Variants in HTR3D observed in about 807,000 individuals in gnomAD.
HTR3D encodes 5-hydroxytryptamine (serotonin) receptor 3 family member D.
Under a neutral mutation model 45.8 loss-of-function variants are expected in HTR3D, and 47 were observed. The observed-to-expected ratio is 1.03, with a 90% CI of 0.81 to 1.31. The LOEUF (loss-of-function observed/expected upper bound fraction) is 1.31. Ranked by LOEUF, HTR3D falls within the 50% of genes most tolerant of loss-of-function variation. HTR3D has a pLI of 0.00. For missense variants in HTR3D, 448 were observed against 506.9 expected (o/e 0.88, Z 1.12); for synonymous variants, 203 against 199.8 (o/e 1.02, Z -0.13).
intron 5 of HTR3D, 74 bp downstream of exon 5, chr3:184,036,970 C>T (rs1206594027): frequency 1.3e-5 from 18 of 1,435,504 alleles, no homozygotes; most frequent in African/African-American, 5.7e-5. Flanking sequence ...TCAGGTGATC[C>T]GCCCGCCTCG....
chr3:184,037,381 A>G (rs1215886235), intron 5 of HTR3D, among the ~76,000 whole-genome samples: 2 of 152,162 alleles, frequency 1.3e-5, no homozygotes, highest in Non-Finnish European at 2.9e-5. Context: ...TACTAAAACA[A>G]TACCTGGTAC....
Position 184,038,079 on chromosome 3 carries a change from G to A in HTR3D, c.575G>A (p.Ser192Asn). The A allele has an allele frequency of 6.2e-7, 1 of 1,614,140 alleles. No homozygotes were observed. Among genetic ancestry groups the A allele is most frequent in the Non-Finnish European group, 8.5e-7 (1 of 1,180,016 alleles). The change falls in exon 6 of 8, where the codon AGT (serine) becomes AAT (asparagine). Residue 192 changes from serine to asparagine, a missense_variant. Coordinates refer to ENST00000428798, the MANE Select transcript of HTR3D (RefSeq NM_001145143.1). The surrounding 1 kb of genome is among the most constrained non-coding windows in gnomAD (Gnocchi z 4.5). ...TACGTGGTAAACTTTCTGGTGCCCA[G>A]TGGCATTCTGATTGCCATCGATGCC... ...SPYVVNFLVP[S>N]GILIAIDALS...
rs749033441 is a variant in HTR3D at position 184,036,375 on chromosome 3, T to C, written c.198T>C (p.Ser66=). Residue 66 remains serine (S), a splice_region_variant and synonymous_variant, in exon 4 of 8, where the codon TCT becomes TCC. Transcript: ENST00000428798. ...LWLSDVFIEE[S]VDQTPAGLMA... ...CTGTCCTTCTCCCACACAGCATCAGTGTGGATCAGACACCTGCAGGTCTCA... is the reference window on the plus strand; with the variant it reads ...CTGTCCTTCTCCCACACAGCATCAGCGTGGATCAGACACCTGCAGGTCTCA... 1 of 1,614,012 alleles carries C rather than the reference T, an allele frequency of 6.2e-7. No homozygotes were observed.
intron 1 of HTR3D, chr3:184,032,768 A>G: frequency 1.7e-6 from 2 of 1,207,662 alleles, no homozygotes; most frequent in Non-Finnish European, 2.4e-6. Flanking sequence ...AGCTCAGCCT[A>G]CTCTTCCTGG....
intron 1 of HTR3D, chr3:184,032,967 CA>C: frequency 6.4e-7 from 1 of 1,552,186 alleles, no homozygotes; most frequent in African/African-American, 1.4e-5. Flanking sequence ...GCCTTTCAAG[CA>C]GTGTTTGACA....
chr3:184,037,030 T>C (rs1411832740), intron 5 of HTR3D, 134 bp downstream of exon 5: 3 of 772,990 alleles, frequency 3.9e-6, no homozygotes, highest in African/African-American at 4.0e-5. Context: ...GCCCGGCCTT[T>C]GTCACTCTTT....
At chr3:184,034,271 A>T (rs1170188312) in intron 1 of HTR3D, among the ~76,000 whole-genome samples, 2 of 152,226 alleles carry the variant, frequency 1.3e-5, no homozygotes, top group Non-Finnish European at 2.9e-5. Flanking sequence ...GCAGCCTTCA[A>T]ATGGAACAAA....
In HTR3D at chr3:184,038,096, A is replaced by G; in HGVS notation, c.592A>G (p.Ile198Val). The part of the protein sequence containing the change: ...FLVPSGILIA[I>V]DALSFYLPLE... ...GGTGCCCAGTGGCATTCTGATTGCCATCGATGCCCTCAGTTTCTACCTGCC... is the reference window on the plus strand; with the variant it reads ...GGTGCCCAGTGGCATTCTGATTGCCGTCGATGCCCTCAGTTTCTACCTGCC... The change falls in exon 6 of 8, where the codon ATC becomes GTC. Residue 198 changes from isoleucine to valine, a missense_variant. Physicochemically the swap from Ile to Val is conservative, Grantham distance 29 (BLOSUM62 3). Transcript: ENST00000428798. This position sits in a 1 kb window ranked among gnomAD's most constrained non-coding sequence, Gnocchi z 4.5. 2 of 1,614,098 alleles carry G rather than the reference A, an allele frequency of 1.2e-6. No individual in the cohort carries two copies. Among genetic ancestry groups the G allele is most frequent in the South Asian group, 1.1e-5 (1 of 91,078 alleles).
rs1401943822 is a variant in HTR3D at position 184,038,780 on chromosome 3, G to A, written c.1020G>A (p.Met340Ile). The A allele has an allele frequency of 6.2e-6, 10 of 1,611,510 alleles. No individual in the cohort carries two copies. Among genetic ancestry groups the A allele is most frequent in the Non-Finnish European group, 8.5e-6 (10 of 1,178,662 alleles). Residue 340 changes from methionine to isoleucine, a missense_variant, in exon 8 of 8, where the codon ATG (methionine) becomes ATA (isoleucine). Met to Ile is a conservative substitution (Grantham distance 10, BLOSUM62 1). Coordinates refer to ENST00000428798, the MANE Select transcript of HTR3D (RefSeq NM_001145143.1). The surrounding 1 kb of genome is among the most constrained non-coding windows in gnomAD (Gnocchi z 4.5). ...AGCCAGAGGTATCAGCAGGGCAGAT[G>A]CCAGGCCCTGGGGAGGCAGAGCTGA... ...VKEPEVSAGQ[M>I]PGPGEAELTG...
rs750976170 is a variant in HTR3D at position 184,038,517 on chromosome 3, G to A, written c.878G>A (p.Arg293Gln). 1.2e-5 allele frequency: 20 copies of A among 1,613,890 alleles called. No individual in the cohort carries two copies. Among genetic ancestry groups the A allele is most frequent in the East Asian group, 2.2e-5 (1 of 44,882 alleles). The change falls in exon 7 of 8, where the codon CGG becomes CAG. Residue 293 changes from arginine (R) to glutamine (Q), a missense_variant. Arg to Gln is a conservative substitution (Grantham distance 43, BLOSUM62 1). Coordinates refer to ENST00000428798, the MANE Select transcript of HTR3D (RefSeq NM_001145143.1). This position sits in a 1 kb window ranked among gnomAD's most constrained non-coding sequence, Gnocchi z 4.5. ...ACCACCCAGCCCCTACCTCTGCCTC[G>A]GTGGCTCCACTCCCTGCTGCTGCAC... ...VATTQPLPLPRWLHSLLLHCT... is the reference protein window; with the variant it reads ...VATTQPLPLPQWLHSLLLHCT...
chr3:184,037,626 C>T (rs1722945917), intron 5 of HTR3D, among the ~76,000 whole-genome samples: 1 of 152,174 alleles, frequency 6.6e-6, no homozygotes, highest in Non-Finnish European at 1.5e-5. Context: ...TGTCTGCTTT[C>T]CCTCCCACTG....
In HTR3D at chr3:184,035,931, G is replaced by T. The variant is rs1427921550; in HGVS notation, c.112-84G>T. 9.4e-6 allele frequency: 13 copies of T among 1,383,840 alleles called. No individual in the cohort carries two copies. The African/African-American group carries it at 1.2e-4, about 12-fold the overall frequency. 85.7% of individuals were successfully genotyped at this position (1,383,840 alleles called of 1,614,324 possible). A position where few individuals can be genotyped will look rare whatever the true frequency, so the allele number is the denominator to read the frequency against. ...TGGTCCTGAACTCCTGACCTTCAGT[G>T]ATCCCCCCGCCTCAGCCTTCCAAAG... On this transcript the variant is annotated intron_variant, in intron 2 of 7. Coordinates refer to ENST00000428798, the MANE Select transcript of HTR3D (RefSeq NM_001145143.1).
chr3:184,037,886 G>A, intron 5 of HTR3D, 135 bp from the exon 6 acceptor site: 2 of 1,075,276 alleles, frequency 1.9e-6, no homozygotes, highest in Non-Finnish European at 2.6e-6. Context: ...GAAAAGACCG[G>A]ATGCTGAAAG....
intron 5 of HTR3D, among the ~76,000 whole-genome samples, 180 bp from the exon 6 acceptor site, chr3:184,037,841 A>G (rs2108962797): frequency 6.6e-6 from 1 of 152,330 alleles, no homozygotes; most frequent in Admixed American, 6.5e-5. Flanking sequence ...GGTAAGCAGC[A>G]TGGGAGACTC....
rs1723005558 is a variant in HTR3D, at chr3:184,039,042, G to GTT, written c.*67_*68insTT. On this transcript the variant is annotated 3_prime_UTR_variant, in exon 8 of 8. Transcript: ENST00000428798. ...CCAGAGAACTCCAGAAACCAGTCAG[G>GTT]CTCTCAGTCAGCCTTGTGGCCCTGT... is the stretch of plus-strand genomic sequence containing the variant. 1 of 1,405,512 alleles carries GTT rather than the reference G, an allele frequency of 7.1e-7. No homozygotes were observed. Among genetic ancestry groups the GTT allele is most frequent in the East Asian group, 2.5e-5 (1 of 39,448 alleles). The allele number at this position is 1,405,512 out of a possible 1,614,324, so 87.1% of individuals were successfully genotyped here.
rs751501277 is a variant in HTR3D at position 184,038,932 on chromosome 3, T to C, written c.1172T>C (p.Met391Thr). 4.3e-6 allele frequency: 7 copies of C among 1,614,186 alleles called. No individual in the cohort carries two copies. The South Asian group carries it at 7.7e-5, about 18-fold the overall frequency. ...CTCTTCCGCCTCTACCTGCTCTTCA[T>C]GGCCTCCTCCATCATCACCGTCATA... is the stretch of plus-strand genomic sequence containing the variant. ...ALLFRLYLLF[M>T]ASSIITVICL... The change falls in exon 8 of 8, where the codon ATG (methionine) becomes ACG (threonine). Residue 391 changes from methionine (M) to threonine (T), a missense_variant. Coordinates refer to ENST00000428798, the MANE Select transcript of HTR3D (RefSeq NM_001145143.1). The surrounding 1 kb of genome is among the most constrained non-coding windows in gnomAD (Gnocchi z 4.5).
At chr3:184,036,672 A>G (rs1426150468) in intron 4 of HTR3D, 76 bp from the exon 5 acceptor site, 32 of 1,564,356 alleles carry the variant, frequency 2.0e-5, no homozygotes, top group Non-Finnish European at 2.7e-5. Flanking sequence ...GAGGGATCCA[A>G]CAGTCTGGGC....
intron 1 of HTR3D, chr3:184,033,119 ATTTTTTTT>A: frequency 1.1e-6 from 1 of 908,040 alleles, no homozygotes; most frequent in South Asian, 1.8e-5. Context: ...CTCTGACTGG[ATTTTTTTT>A]TTTTTTTTTT....
In HTR3D at chr3:184,038,198, G is replaced by A. The variant is rs769255598; in HGVS notation, c.694G>A (p.Asp232Asn). ...CAGCGTCTTCCTGCTCATGATGAAT[G>A]ACTTGCTCCCAGCCACTAGCACTTC... ...GYSVFLLMMN[D>N]LLPATSTSSH... Residue 232 changes from aspartate (D) to asparagine (N), a missense_variant, in exon 6 of 8, where the codon GAC becomes AAC. By Grantham distance (23) the Asp-to-Asn change is conservative (BLOSUM62 1). Coordinates refer to ENST00000428798, the MANE Select transcript of HTR3D (RefSeq NM_001145143.1). The surrounding 1 kb of genome is among the most constrained non-coding windows in gnomAD (Gnocchi z 4.5). 2.5e-6 allele frequency: 4 copies of A among 1,614,092 alleles called. No homozygotes were observed. The highest frequency in any genetic ancestry group is 3.4e-6 in the Non-Finnish European group (4 of 1,180,040).
Sources: allele counts gnomAD v4.1 joint callset (sites outside exome capture counted in the v4.1 genomes callset), GRCh38; gene constraint gnomAD v4.1.1; non-coding constraint Gnocchi (gnomAD v3.1); transcripts MANE v1.5; gene names NCBI Gene and HGNC (gene_info 2026-07-23, HGNC 2026-07-21).